Variants in MPPED2 observed in about 807,000 individuals in gnomAD.
MPPED2 encodes metallophosphoesterase MPPED2.
MPPED2 carries 5 observed loss-of-function variants against 33.0 expected under a neutral mutation model. That is an observed-to-expected ratio of 0.15 (90% CI 0.08 to 0.32). The LOEUF (loss-of-function observed/expected upper bound fraction) is 0.32, where lower values mean the gene tolerates loss of function less well. Among genes scored for constraint, MPPED2 ranks in the 10% least tolerant of loss-of-function variants. The pLI, the probability that MPPED2 is intolerant of heterozygous loss-of-function variation, is 1.00. For synonymous variants in MPPED2, 136 were observed against 141.9 expected (o/e 0.96, Z 0.29); for missense variants, 275 against 372.1 (o/e 0.74, Z 2.15).
chr11:30,428,486 C>A (rs1948940943), intron 4 of MPPED2, among the ~76,000 whole-genome samples: 1 of 152,108 alleles, frequency 6.6e-6, no homozygotes, highest in South Asian at 2.1e-4. Context: ...ATGCAGTGAG[C>A]TCTGATACAC....
chr11:30,427,501 T>C (rs1176938528), intron 4 of MPPED2, among the ~76,000 whole-genome samples: 1 of 152,186 alleles, frequency 6.6e-6, no homozygotes, highest in Admixed American at 6.5e-5. Context: ...TAAAATACCA[T>C]ACAGCCATTA....
intron 4 of MPPED2, among the ~76,000 whole-genome samples, chr11:30,448,858 T>C (rs1484635756): frequency 1.3e-5 from 2 of 152,060 alleles, no homozygotes; most frequent in African/African-American, 2.4e-5. Context: ...GGTTTCTCCA[T>C]GTTGGTCAGG....
chr11:30,425,792 C>A (rs1046717054), intron 4 of MPPED2, among the ~76,000 whole-genome samples: 9 of 152,074 alleles, frequency 5.9e-5, no homozygotes, highest in African/African-American at 1.7e-4. Context: ...CCCAGTGGGA[C>A]CTGCACTAAT....
chr11:30,550,642 CCT>C lies in MPPED2; in HGVS notation c.129-14469_129-14468del, dbSNP rs570809809. On this transcript the variant is annotated intron_variant, in intron 2 of 6. Coordinates refer to ENST00000358117, the MANE Select transcript of MPPED2 (RefSeq NM_001584.3). ...TGAAGAAATGAGCTATTTCCATTCT[CCT>C]CTCATTCCGGAGTGAAAGAGTAAAA... Among the ~76,000 whole-genome samples, 56 of 152,296 alleles carry C rather than the reference CCT, an allele frequency of 3.7e-4. No homozygotes were observed. In the South Asian group the frequency reaches 5.6e-3, roughly 15 times the overall value.
chr11:30,455,108 T>C (rs1950225004), intron 4 of MPPED2, among the ~76,000 whole-genome samples: 1 of 152,236 alleles, frequency 6.6e-6, no homozygotes, highest in South Asian at 2.1e-4. Flanking sequence ...TGACATTCTG[T>C]CTAAATGAAA....
chr11:30,558,774 T>C (rs1438487706), intron 2 of MPPED2, among the ~76,000 whole-genome samples: 1 of 151,702 alleles, frequency 6.6e-6, no homozygotes, highest in Non-Finnish European at 1.5e-5. Context: ...CCTTCTTTCT[T>C]TCTTTTTTTT....
At chr11:30,535,017 G>A (rs928257209) in intron 3 of MPPED2, among the ~76,000 whole-genome samples, 1 of 152,164 alleles carries the variant, frequency 6.6e-6, no homozygotes, top group Non-Finnish European at 1.5e-5. Flanking sequence ...CATACAAAAT[G>A]TGAACAGATG....
chr11:30,406,015 T>A (rs747759658), downstream of MPPED2, among the ~76,000 whole-genome samples: 2 of 152,156 alleles, frequency 1.3e-5, no homozygotes, highest in Non-Finnish European at 2.9e-5. Context: ...TACACATGTA[T>A]GTCAAAACGC....
intron 4 of MPPED2, among the ~76,000 whole-genome samples, chr11:30,485,050 T>C (rs928994203): frequency 6.6e-6 from 1 of 152,138 alleles, no homozygotes; most frequent in African/African-American, 2.4e-5. Context: ...AAAAAAATAA[T>C]ATTAATTGAG....
At chr11:30,435,104 C>T (rs948773377) in intron 4 of MPPED2, among the ~76,000 whole-genome samples, 2 of 152,156 alleles carry the variant, frequency 1.3e-5, no homozygotes, top group Non-Finnish European at 2.9e-5. Context: ...TCCTAACAGG[C>T]CCTTGTTTGT....
At chr11:30,409,658 C>T (rs1246615812), downstream of MPPED2, among the ~76,000 whole-genome samples, 1 of 152,168 alleles carries the variant, frequency 6.6e-6, no homozygotes, top group African/African-American at 2.4e-5. Context: ...ATCCAATGAG[C>T]CCTGACACAT....
chr11:30,516,564 AAAAT>A lies in MPPED2; in HGVS notation c.310+19426_310+19429del, dbSNP rs770389768. Among the ~76,000 whole-genome samples the A allele has an allele frequency of 1.4e-4, 22 of 152,290 alleles. No individual in the cohort carries two copies. In the East Asian group the frequency reaches 3.1e-3, roughly 21 times the overall value. On this transcript the variant is annotated intron_variant, in intron 3 of 6. Coordinates refer to ENST00000358117, the MANE Select transcript of MPPED2 (RefSeq NM_001584.3). Reference sequence around the variant, plus strand: ...GCTGCCCATTTTTCTTGCAATAAAGAAAATAAAGACAGTAATTCTAAGAACATTT... The same window carrying A: ...GCTGCCCATTTTTCTTGCAATAAAGAAAAGACAGTAATTCTAAGAACATTT...
At chr11:30,407,080 T>C (rs1447440898), downstream of MPPED2, among the ~76,000 whole-genome samples, 1 of 152,230 alleles carries the variant, frequency 6.6e-6, no homozygotes, top group Non-Finnish European at 1.5e-5. Context: ...CAGCTTCCGT[T>C]TCTCCCTACT....
intron 3 of MPPED2, among the ~76,000 whole-genome samples, chr11:30,517,644 T>A (rs1953607746): frequency 6.6e-6 from 1 of 152,078 alleles, no homozygotes; most frequent in Non-Finnish European, 1.5e-5. Context: ...TTTCTCTCTC[T>A]TTAGGCAATG....
intron 6 of MPPED2, among the ~76,000 whole-genome samples, chr11:30,393,573 T>A (rs1175077999): frequency 6.6e-6 from 1 of 151,560 alleles, no homozygotes; most frequent in African/African-American, 2.4e-5. Context: ...CTATTTATTA[T>A]AATATAACCT....
At chr11:30,460,027 A>G (rs899039494) in intron 4 of MPPED2, among the ~76,000 whole-genome samples, 28 of 152,252 alleles carry the variant, frequency 1.8e-4, no homozygotes, top group African/African-American at 5.3e-4. Flanking sequence ...AAGCACTGGG[A>G]GCTTGGCCGT....
chr11:30,507,182 A>G (rs1313513155), intron 3 of MPPED2, among the ~76,000 whole-genome samples: 2 of 152,232 alleles, frequency 1.3e-5, no homozygotes, highest in Admixed American at 6.5e-5. Flanking sequence ...ATTGGCTTAT[A>G]TTGGAAAGTG....
intron 3 of MPPED2, among the ~76,000 whole-genome samples, 164 bp downstream of exon 3, chr11:30,535,830 A>G (rs1565161979): frequency 6.6e-6 from 1 of 152,122 alleles, no homozygotes; most frequent in Non-Finnish European, 1.5e-5. Context: ...ATATCTAAAA[A>G]TTCATCTTTA....
intron 3 of MPPED2, among the ~76,000 whole-genome samples, chr11:30,513,709 G>A (rs75251506): frequency 0.019 from 2,839 of 152,240 alleles, 86 homozygotes; most frequent in African/African-American, 0.064. Context: ...AGGGACACAG[G>A]TGGCTAGAAG....
Sources: allele counts gnomAD v4.1 joint callset (sites outside exome capture counted in the v4.1 genomes callset), GRCh38; gene constraint gnomAD v4.1.1; transcripts MANE v1.5; gene names NCBI Gene and HGNC (gene_info 2026-07-23, HGNC 2026-07-21).